The following RCBTB1 variants were observed in gnomAD, a reference collection of about 807,000 sequenced individuals.
RCBTB1 encodes RCC1 and BTB domain-containing protein 1.
A neutral mutation model predicts 62.4 loss-of-function variants in RCBTB1; 46 were observed. That is an observed-to-expected ratio of 0.74 (90% CI 0.58 to 0.94). RCBTB1 has a LOEUF of 0.94. RCBTB1 is among the 40% of genes least tolerant of loss of function. RCBTB1 has a pLI of 0.00. For synonymous variants in RCBTB1, 222 were observed against 245.8 expected (o/e 0.90, Z 0.91); for missense variants, 565 against 654.9 (o/e 0.86, Z 1.50).
intron 9 of RCBTB1, 34 bp downstream of exon 9, chr13:49,549,424 C>T (rs1369723475): frequency 1.3e-6 from 2 of 1,575,350 alleles, no homozygotes; most frequent in East Asian, 2.3e-5. Context: ...TAGTACCATT[C>T]TTCCTGGGTG....
At chr13:49,556,678 T>C (rs1236206925) in intron 5 of RCBTB1, among the ~76,000 whole-genome samples, 1 of 152,198 alleles carries the variant, frequency 6.6e-6, no homozygotes, top group African/African-American at 2.4e-5. Context: ...TCTTGTCTGA[T>C]GCTGGCCAAG....
At chr13:49,557,165 C>G (rs1254225085) in intron 5 of RCBTB1, among the ~76,000 whole-genome samples, 20 of 152,038 alleles carry the variant, frequency 1.3e-4, no homozygotes, top group Admixed American at 1.2e-3. Context: ...TGAGGGACTT[C>G]AAAGAGAGGA....
chr13:49,574,456 A>G (rs2137364686), intron 2 of RCBTB1, among the ~76,000 whole-genome samples: 1 of 152,318 alleles, frequency 6.6e-6, no homozygotes, highest in African/African-American at 2.4e-5. Flanking sequence ...TGTGACCAAT[A>G]AAATGAACAA....
chr13:49,545,837 C>T (rs1960745099), intron 9 of RCBTB1, among the ~76,000 whole-genome samples: 1 of 152,152 alleles, frequency 6.6e-6, no homozygotes, highest in Non-Finnish European at 1.5e-5. Flanking sequence ...GTTACCAGAG[C>T]AACTCCTAGA....
At chr13:49,560,488 G>A (rs950841790) in intron 4 of RCBTB1, among the ~76,000 whole-genome samples, 1 of 152,162 alleles carries the variant, frequency 6.6e-6, no homozygotes, top group Admixed American at 6.5e-5. Context: ...GAACCCACAG[G>A]GGGCGTGTGG....
At chr13:49,545,945 A>G (rs549887464) in intron 9 of RCBTB1, among the ~76,000 whole-genome samples, 5 of 152,238 alleles carry the variant, frequency 3.3e-5, no homozygotes, top group Admixed American at 2.0e-4. Context: ...CCTTTCACCT[A>G]AGCCCTGTGA....
intron 9 of RCBTB1, among the ~76,000 whole-genome samples, chr13:49,549,226 G>A (rs980492856): frequency 4.6e-5 from 7 of 151,292 alleles, no homozygotes; most frequent in Non-Finnish European, 5.9e-5. Flanking sequence ...CATGTTATGC[G>A]AATTTGATAT....
intron 7 of RCBTB1, 151 bp downstream of exon 7, chr13:49,552,027 A>G (rs1401829310): frequency 3.2e-6 from 2 of 632,212 alleles, no homozygotes; most frequent in Non-Finnish European, 5.7e-6. Flanking sequence ...TCCTCGTGGG[A>G]AATTAGGGAA....
Position 49,566,602 on chromosome 13 carries a change from T to A in RCBTB1, c.277+16A>T. 1 of 1,607,696 alleles carries A rather than the reference T, an allele frequency of 6.2e-7. No homozygotes were observed. The highest frequency in any genetic ancestry group is 1.7e-5 in the Admixed American group (1 of 58,436). ...ATTTCTTACAAACTGAAAAGTTAGA[T>A]GGGTTCCCTCCTTACCTTCGGTGCT... On this transcript the variant is annotated intron_variant, in intron 4 of 12. Coordinates refer to ENST00000378302, the MANE Select transcript of RCBTB1 (RefSeq NM_018191.4).
At position 49,547,809 on chromosome 13, in the gene RCBTB1, G is replaced by A. The variant is rs1960938053; in HGVS notation, c.1045+1649C>T. ...ACAAGTTGTTTGCTTTTTTTATTGA[G>A]ACAGGGTCTCGCTGTGTCACCCAGG... On this transcript the variant is annotated intron_variant, in intron 9 of 12. Transcript: ENST00000378302. Among the ~76,000 whole-genome samples the A allele has an allele frequency of 2.0e-5, 3 of 152,130 alleles. No homozygotes were observed. In the South Asian group the frequency reaches 6.2e-4, roughly 31 times the overall value.
intron 2 of RCBTB1, among the ~76,000 whole-genome samples, chr13:49,578,045 T>C (rs758434186): frequency 1.3e-5 from 2 of 152,164 alleles, no homozygotes; most frequent in Non-Finnish European, 2.9e-5. Flanking sequence ...TAAAGGGCCT[T>C]GGAAAAAAGT....
chr13:49,567,733 A>C (rs924023373), intron 2 of RCBTB1, among the ~76,000 whole-genome samples: 8 of 152,172 alleles, frequency 5.3e-5, no homozygotes, highest in African/African-American at 1.9e-4. Flanking sequence ...CCCACCCACC[A>C]GAGATATTCT....
At chr13:49,573,703 G>T (rs1488459207) in intron 2 of RCBTB1, among the ~76,000 whole-genome samples, 1 of 151,576 alleles carries the variant, frequency 6.6e-6, no homozygotes, top group African/African-American at 2.4e-5. Flanking sequence ...ACCTACCTCG[G>T]CCTCCCAAAG....
intron 1 of RCBTB1, among the ~76,000 whole-genome samples, chr13:49,584,912 A>AAAT (rs2137421565): frequency 6.6e-6 from 1 of 152,310 alleles, no homozygotes; most frequent in Non-Finnish European, 1.5e-5. Flanking sequence ...TCACTTATTT[A>AAAT]GAGTTCACCG....
At chr13:49,563,670 G>C (rs529658874) in intron 4 of RCBTB1, among the ~76,000 whole-genome samples, 1 of 152,150 alleles carries the variant, frequency 6.6e-6, no homozygotes, top group Non-Finnish European at 1.5e-5. Context: ...AGAAAAAAAA[G>C]GAAAGAAAGA....
rs1247626794 is a variant in RCBTB1 at position 49,540,944 on chromosome 13, T to C, written c.1387A>G (p.Ile463Val). ...TTCTCCACAGTAATTCCTCTCTTGA[T>C]AATGTGCTGACAAAGTTTTTTCAGT... Reference protein sequence around the residue: ...NRLKKLCQHIIKRGITVENAF... With the variant: ...NRLKKLCQHIVKRGITVENAF... The change falls in exon 12 of 13, where the codon ATC becomes GTC. Residue 463 changes from isoleucine (I) to valine (V), a missense_variant. Transcript: ENST00000378302. 2 of 1,613,826 alleles carry C rather than the reference T, an allele frequency of 1.2e-6. No homozygotes were observed. Among genetic ancestry groups the C allele is most frequent in the Non-Finnish European group, 8.5e-7 (1 of 1,180,002 alleles).
chr13:49,535,437 T>C (rs1318063690), intron 12 of RCBTB1, among the ~76,000 whole-genome samples: 1 of 152,162 alleles, frequency 6.6e-6, no homozygotes, highest in Non-Finnish European at 1.5e-5. Context: ...ACAAATAGCT[T>C]GACTTTATTA....
chr13:49,546,208 CT>C (rs1319258603), intron 9 of RCBTB1: 2 of 985,348 alleles, frequency 2.0e-6, no homozygotes, highest in Admixed American at 1.2e-4. Context: ...TGAAATGACT[CT>C]TTCTCCTCTT....
intron 12 of RCBTB1, among the ~76,000 whole-genome samples, chr13:49,539,017 G>GTA (rs1960146406): frequency 6.6e-6 from 1 of 151,358 alleles, no homozygotes; most frequent in Non-Finnish European, 1.5e-5. Context: ...TTACAGGTAC[G>GTA]CACCACCACA....
Sources: gnomAD v4.1 joint callset for allele counts (sites outside exome capture counted in the v4.1 genomes callset) on GRCh38, gnomAD v4.1.1 for gene constraint, MANE v1.5 for transcripts, NCBI Gene and HGNC (gene_info 2026-07-23, HGNC 2026-07-21) for gene names.